Variants in APOH observed in about 807,000 individuals in gnomAD.
The protein encoded by APOH is beta-2-glycoprotein 1.
Under a neutral mutation model 39.8 loss-of-function variants are expected in APOH, and 48 were observed. The observed-to-expected ratio is 1.21, with a 90% CI of 0.96 to 1.54. The LOEUF is 1.54. APOH is among the 40% of genes most tolerant of loss of function. The pLI is 0.00. For synonymous variants in APOH, 153 were observed against 151.1 expected (o/e 1.01, Z -0.09); for missense variants, 415 against 421.2 (o/e 0.99, Z 0.13).
chr17:66,219,679 G>C (rs374181156), intron 5 of APOH, among the ~76,000 whole-genome samples: 1 of 152,206 alleles, frequency 6.6e-6, no homozygotes, highest in Non-Finnish European at 1.5e-5. Flanking sequence ...AGCACTTTGA[G>C]AGACTGAGGC....
chr17:66,224,609 A>AAAAG lies in APOH; in HGVS notation c.339-839_339-836dup, dbSNP rs149091296. On this transcript the variant is annotated intron_variant, in intron 3 of 7. Coordinates refer to ENST00000205948, the MANE Select transcript of APOH (RefSeq NM_000042.3). ...GGAGGGAAAGAGAAAGAAAGAAAGAAAAAGAAAGAAAGAAAGAAGAAAGGA... is the reference window on the plus strand; with the variant it reads ...GGAGGGAAAGAGAAAGAAAGAAAGAAAAAGAAAGAAAGAAAGAAAGAAGAAAGGA... Among the ~76,000 whole-genome samples the AAAAG allele has an allele frequency of 4.0e-3, 566 of 140,568 alleles. 30 individuals are homozygous for AAAAG. The highest frequency in any genetic ancestry group is 0.016 in the African/African-American group (539 of 34,284). 92.2% of individuals were successfully genotyped at this position (140,568 alleles called of 152,430 possible).
At chr17:66,223,583 G>C in intron 4 of APOH, 115 bp downstream of exon 4, 1 of 879,626 alleles carries the variant, frequency 1.1e-6, no homozygotes, top group Non-Finnish European at 1.9e-6. Flanking sequence ...CCCCCACAAG[G>C]GTGACCATTC....
chr17:66,216,960 T>C lies in APOH; in HGVS notation c.612A>G (p.Lys204=). The change falls in exon 6 of 8, where the codon AAA becomes AAG. Residue 204 remains lysine, a synonymous_variant. Coordinates refer to ENST00000205948, the MANE Select transcript of APOH (RefSeq NM_000042.3). The part of the protein sequence containing the change: ...WTKLPECREV[K]CPFPSRPDNG... ...TGTCTGGTCTTGATGGGAATGGGCATTTTACTTCTAAAACATTTATTCAAT... is the reference window on the plus strand; with the variant it reads ...TGTCTGGTCTTGATGGGAATGGGCACTTTACTTCTAAAACATTTATTCAAT... 1 of 1,589,616 alleles carries C rather than the reference T, an allele frequency of 6.3e-7. No homozygotes were observed.
intron 5 of APOH, among the ~76,000 whole-genome samples, chr17:66,217,318 C>T (rs1270573207): frequency 6.7e-6 from 1 of 150,214 alleles, no homozygotes; most frequent in Non-Finnish European, 1.5e-5. Context: ...TTCTAACAAA[C>T]CATAAAATTA....
At chr17:66,222,296 A>T (rs1161708350) in intron 4 of APOH, among the ~76,000 whole-genome samples, 2 of 151,948 alleles carry the variant, frequency 1.3e-5, no homozygotes, top group Admixed American at 6.6e-5. Context: ...GACTGAGAGG[A>T]TCACTTGGCC....
chr17:66,220,520 T>C (rs2146994764), intron 5 of APOH, 34 bp downstream of exon 5: 4 of 1,596,678 alleles, frequency 2.5e-6, no homozygotes, highest in Admixed American at 1.7e-5. Flanking sequence ...GATCTTGCCC[T>C]ACCATGCGTA....
At chr17:66,217,550 C>A (rs972057103) in intron 5 of APOH, among the ~76,000 whole-genome samples, 1 of 152,050 alleles carries the variant, frequency 6.6e-6, no homozygotes, top group Non-Finnish European at 1.5e-5. Context: ...AAGGCTGGAG[C>A]CAGGAGCACA....
chr17:66,226,886 T>C (rs899897613), intron 2 of APOH, among the ~76,000 whole-genome samples: 1 of 97,110 alleles, frequency 1.0e-5, no homozygotes, highest in African/African-American at 5.7e-5. Context: ...TTATTTTATT[T>C]ATTTATTTAT....
intron 2 of APOH, 84 bp downstream of exon 2, chr17:66,227,933 ACTC>A (rs750464638): frequency 3.7e-5 from 53 of 1,431,880 alleles, no homozygotes; most frequent in Non-Finnish European, 4.8e-5. Flanking sequence ...GGCCCTCTGC[ACTC>A]TGAGCATGAC....
chr17:66,217,681 T>C lies in APOH; in HGVS notation c.605-714A>G, dbSNP rs113548295. On this transcript the variant is annotated intron_variant, in intron 5 of 7. Transcript: ENST00000205948. ...ACAGAATTCATGTGGCCAGGCACAGTGGCTCACTTCGGTCATCCTGGCACT... is the reference window on the plus strand; with the variant it reads ...ACAGAATTCATGTGGCCAGGCACAGCGGCTCACTTCGGTCATCCTGGCACT... Among the ~76,000 whole-genome samples, 984 of 152,258 alleles carry C rather than the reference T, an allele frequency of 6.5e-3. 5 individuals are homozygous for C. Among genetic ancestry groups the C allele is most frequent in the Middle Eastern group, 0.014 (4 of 294 alleles).
intron 3 of APOH, among the ~76,000 whole-genome samples, chr17:66,224,188 C>A (rs894093095): frequency 6.6e-6 from 1 of 152,014 alleles, no homozygotes; most frequent in African/African-American, 2.4e-5. Context: ...GAAAATATAG[C>A]ATTCTGACTG....
chr17:66,227,213 T>C (rs1262579760), intron 2 of APOH, among the ~76,000 whole-genome samples: 1 of 152,196 alleles, frequency 6.6e-6, no homozygotes, highest in African/African-American at 2.4e-5. Flanking sequence ...TCCCTAATGA[T>C]GTTACATTGG....
At chr17:66,218,037 T>G (rs1186732184) in intron 5 of APOH, among the ~76,000 whole-genome samples, 2 of 152,046 alleles carry the variant, frequency 1.3e-5, no homozygotes, top group Non-Finnish European at 2.9e-5. Context: ...AGTGAATAAA[T>G]GTAGAAGGAA....
At chr17:66,224,670 A>G (rs2073425609) in intron 3 of APOH, among the ~76,000 whole-genome samples, 1 of 44,076 alleles carries the variant, frequency 2.3e-5, no homozygotes, top group Non-Finnish European at 4.0e-5. Context: ...AGGGAAGGGA[A>G]GGGAAGGGAA....
chr17:66,219,499 T>C (rs942904612), intron 5 of APOH, among the ~76,000 whole-genome samples: 2 of 152,318 alleles, frequency 1.3e-5, no homozygotes, highest in African/African-American at 2.4e-5. Flanking sequence ...TGGCCCATAG[T>C]TGAGTGCCCA....
chr17:66,226,918 T>G (rs1276982043), intron 2 of APOH, among the ~76,000 whole-genome samples: 2 of 151,810 alleles, frequency 1.3e-5, no homozygotes, highest in Admixed American at 6.6e-5. Context: ...AGACAGAGTC[T>G]CACTCTGCTG....
chr17:66,217,657 C>T (rs867666997), intron 5 of APOH, among the ~76,000 whole-genome samples: 11 of 152,054 alleles, frequency 7.2e-5, no homozygotes, highest in Admixed American at 1.3e-4. Flanking sequence ...TTAAATAAAA[C>T]AGAATTCATG....
Position 66,212,048 on chromosome 17 carries a change from A to T in APOH, c.*85T>A. 8.4e-7 allele frequency: 1 copy of T among 1,185,582 alleles called. No homozygotes were observed. The highest frequency in any genetic ancestry group is 1.3e-5 in the South Asian group (1 of 79,070). The allele number at this position is 1,185,582 out of a possible 1,614,324, so 73.4% of individuals were successfully genotyped here. Reference sequence around the variant, plus strand: ...CTGCAATGGGTGCGGCAATAAATTCAGTAGCTTTATTTTTAAATTTCAATT... The same window carrying T: ...CTGCAATGGGTGCGGCAATAAATTCTGTAGCTTTATTTTTAAATTTCAATT... On this transcript the variant is annotated 3_prime_UTR_variant, in exon 8 of 8. Coordinates refer to ENST00000205948, the MANE Select transcript of APOH (RefSeq NM_000042.3).
Position 66,229,394 on chromosome 17 carries a change from A to G in APOH, c.-15T>C, listed in dbSNP as rs762569253. 1 of 1,612,446 alleles carries G rather than the reference A, an allele frequency of 6.2e-7. No homozygotes were observed. The highest frequency in any genetic ancestry group is 1.1e-5 in the South Asian group (1 of 90,792). On this transcript the variant is annotated 5_prime_UTR_variant, in exon 1 of 8. Coordinates refer to ENST00000205948, the MANE Select transcript of APOH (RefSeq NM_000042.3). ...GGAGAAATCATTGTGGATGAGTCAC[A>G]CTGGCACTACCAAAGTGGTTTTCGT... is the stretch of plus-strand genomic sequence containing the variant.
Sources: gnomAD v4.1 joint callset for allele counts (sites outside exome capture counted in the v4.1 genomes callset) on GRCh38, gnomAD v4.1.1 for gene constraint, MANE v1.5 for transcripts, NCBI Gene and HGNC (gene_info 2026-07-23, HGNC 2026-07-21) for gene names.